TGFBR3: variants seen among roughly 807,000 people sequenced by gnomAD.
TGFBR3 encodes transforming growth factor beta receptor type 3.
TGFBR3 carries 46 observed loss-of-function variants against 87.9 expected under a neutral mutation model. That is an observed-to-expected ratio of 0.52 (90% CI 0.41 to 0.67). The LOEUF is 0.67. Ranked by LOEUF, TGFBR3 falls within the 30% of genes least tolerant of loss-of-function variation. TGFBR3 has a pLI of 0.00. For missense variants in TGFBR3, 866 were observed against 1,041.9 expected (o/e 0.83, Z 2.32); for synonymous variants, 381 against 391.6 (o/e 0.97, Z 0.32).
At chr1:91,773,558 G>A (rs1047951691) in intron 3 of TGFBR3, among the ~76,000 whole-genome samples, 1 of 152,206 alleles carries the variant, frequency 6.6e-6, no homozygotes, top group African/African-American at 2.4e-5. Flanking sequence ...GCAGGCGCCT[G>A]TAATCTCAGC....
intron 3 of TGFBR3, among the ~76,000 whole-genome samples, chr1:91,782,161 C>T (rs1674793749): frequency 6.6e-6 from 1 of 152,014 alleles, no homozygotes; most frequent in Admixed American, 6.6e-5. Context: ...ATGCTGGGCT[C>T]AGCAGGAAGA....
In TGFBR3 at chr1:91,896,241, A is replaced by T. The variant is rs142717407; in HGVS notation, c.-114+3396T>A. On this transcript the variant is annotated intron_variant, in intron 2 of 17. Transcript: ENST00000370399. ...AATCAGCACTATATTCCTAGCTCCT[A>T]GCAGAATGGCAGCATCTGACAGGTA... Among the ~76,000 whole-genome samples, 159 of 152,360 alleles carry T rather than the reference A, an allele frequency of 1.0e-3. 1 individual carries two copies. Among genetic ancestry groups the T allele is most frequent in the African/African-American group, 3.6e-3 (148 of 41,594 alleles).
At position 91,856,279 on chromosome 1, in the gene TGFBR3, G is replaced by C. The variant is rs1165648359; in HGVS notation, c.61+5192C>G. ...GACGGGGTTTCACCGTGTTAGCCAG[G>C]ATGGTCTCAATCTCCTGACCTCGTA... On this transcript the variant is annotated intron_variant, in intron 2 of 16. Coordinates refer to ENST00000212355, the MANE Select transcript of TGFBR3 (RefSeq NM_003243.5). Among the ~76,000 whole-genome samples, 4 of 152,132 alleles carry C rather than the reference G, an allele frequency of 2.6e-5. No homozygotes were observed. The South Asian group carries it at 8.3e-4, about 32-fold the overall frequency.
intron 14 of TGFBR3, among the ~76,000 whole-genome samples, chr1:91,705,520 C>T (rs1273757806): frequency 6.6e-5 from 10 of 151,720 alleles, no homozygotes; most frequent in African/African-American, 2.4e-4. Flanking sequence ...TGAGCCACTG[C>T]GCCCAGCCCA....
chr1:91,736,584 C>G (rs1036150294), intron 4 of TGFBR3, among the ~76,000 whole-genome samples: 26 of 152,018 alleles, frequency 1.7e-4, no homozygotes, highest in Admixed American at 4.6e-4. Flanking sequence ...GAAAAAAATC[C>G]TAGGTCATTT....
At chr1:91,783,589 T>C (rs770521190) in intron 3 of TGFBR3, among the ~76,000 whole-genome samples, 3 of 152,130 alleles carry the variant, frequency 2.0e-5, no homozygotes, top group Non-Finnish European at 4.4e-5. Context: ...ATAAACAGAC[T>C]CTTCTGGCCG....
chr1:91,680,681 C>T lies in TGFBR3; in HGVS notation c.*3058G>A. On this transcript the variant is annotated 3_prime_UTR_variant, in exon 17 of 17. Coordinates refer to ENST00000212355, the MANE Select transcript of TGFBR3 (RefSeq NM_003243.5). ...AACATGAAAAAAATCACATAGGACT[C>T]ACCCAACAAAATGTGCTCTGTTAAC... 1 of 453,996 alleles carries T rather than the reference C, an allele frequency of 2.2e-6. No homozygotes were observed. The highest frequency in any genetic ancestry group is 4.4e-6 in the Non-Finnish European group (1 of 226,782). The allele number at this position is 453,996 out of a possible 1,614,324, so 28.1% of individuals were successfully genotyped here.
chr1:91,811,465 C>A (rs931109082), intron 2 of TGFBR3, among the ~76,000 whole-genome samples: 5 of 152,078 alleles, frequency 3.3e-5, no homozygotes, highest in Non-Finnish European at 7.4e-5. Flanking sequence ...GGTATGAAAG[C>A]AAGAAGCAAA....
chr1:91,732,102 A>G (rs1168261425), intron 5 of TGFBR3, among the ~76,000 whole-genome samples: 1 of 152,190 alleles, frequency 6.6e-6, no homozygotes, highest in East Asian at 1.9e-4. Context: ...TTTTAGGGAA[A>G]GATTGACAAA....
At chr1:91,721,889 G>T (rs915729138) in intron 8 of TGFBR3, 66 bp downstream of exon 8, 1 of 1,451,490 alleles carries the variant, frequency 6.9e-7, no homozygotes, top group Non-Finnish European at 9.6e-7. Flanking sequence ...TGAAATGACA[G>T]TTCCTCACTG....
rs149981960 is a variant in TGFBR3 at position 91,810,492 on chromosome 1, C to T, written c.62-13021G>A. 3.1e-4 allele frequency among the ~76,000 whole-genome samples: 47 copies of T among 152,288 alleles called. 1 individual carries two copies. Among genetic ancestry groups the T allele is most frequent in the African/African-American group, 1.0e-3 (43 of 41,548 alleles). ...TTTATTTGGGCATATGTTTGTGTGT[C>T]CTCTACTTACCAGAAACTCCATGAG... On this transcript the variant is annotated intron_variant, in intron 2 of 16. Transcript: ENST00000212355.
intron 2 of TGFBR3, among the ~76,000 whole-genome samples, chr1:91,809,768 C>T (rs992105087): frequency 4.6e-5 from 7 of 152,280 alleles, no homozygotes; most frequent in Admixed American, 2.6e-4. Flanking sequence ...AAACTCTATT[C>T]CTTCCTCTTC....
At chr1:91,728,375 A>T (rs1672621675) in intron 6 of TGFBR3, among the ~76,000 whole-genome samples, 1 of 152,348 alleles carries the variant, frequency 6.6e-6, no homozygotes, top group South Asian at 2.1e-4. Context: ...ACAGAATCGT[A>T]TCTGCATTTA....
chr1:91,794,652 T>C (rs913882913), intron 3 of TGFBR3, among the ~76,000 whole-genome samples: 10 of 152,206 alleles, frequency 6.6e-5, no homozygotes, highest in African/African-American at 1.7e-4. Context: ...TGATATGTGG[T>C]CTTTGTGTCT....
At position 91,683,173 on chromosome 1, in the gene TGFBR3, A is replaced by G. The variant is rs1157962437; in HGVS notation, c.*566T>C. Reference sequence around the variant, plus strand: ...CCCTGAGGGCAGCACCCATCAAGGGACACATCAGACCCCACAGGTTGTGGC... The same window carrying G: ...CCCTGAGGGCAGCACCCATCAAGGGGCACATCAGACCCCACAGGTTGTGGC... On this transcript the variant is annotated 3_prime_UTR_variant, in exon 17 of 17. Coordinates refer to ENST00000212355, the MANE Select transcript of TGFBR3 (RefSeq NM_003243.5). 2.2e-5 allele frequency: 10 copies of G among 454,454 alleles called. No homozygotes were observed. In the Admixed American group the frequency reaches 2.3e-4, roughly 11 times the overall value. 28.2% of individuals were successfully genotyped at this position (454,454 alleles called of 1,614,324 possible).
At position 91,827,111 on chromosome 1, in the gene TGFBR3, G is replaced by C. The variant is rs146494178; in HGVS notation, c.62-29640C>G. On this transcript the variant is annotated intron_variant, in intron 2 of 16. Transcript: ENST00000212355. ...CCCTTGCCCTCTACCTATTCCTGTG[G>C]TGCCAACATAGAAAATGTCCTGGAC... Among the ~76,000 whole-genome samples, 97 of 152,202 alleles carry C rather than the reference G, an allele frequency of 6.4e-4. 1 individual carries two copies. The highest frequency in any genetic ancestry group is 2.2e-3 in the African/African-American group (91 of 41,506).
intron 1 of TGFBR3, among the ~76,000 whole-genome samples, chr1:91,904,632 T>C (rs1679805789): frequency 1.3e-5 from 2 of 149,702 alleles, no homozygotes; most frequent in South Asian, 4.3e-4. Context: ...TGGTGCAATC[T>C]CGGCTCACTG....
intron 4 of TGFBR3, among the ~76,000 whole-genome samples, chr1:91,753,047 A>ACTACAGCATCAGATATTGTAAACTATT (rs1673607367): frequency 6.6e-6 from 1 of 151,200 alleles, no homozygotes; most frequent in Non-Finnish European, 1.5e-5. Context: ...AGAAAAAAAG[A>ACTACAGCATCAGATATTGTAAACTATT]AAAAAAAATC....
chr1:91,711,440 A>G (rs546641771), intron 13 of TGFBR3, among the ~76,000 whole-genome samples: 1 of 152,332 alleles, frequency 6.6e-6, no homozygotes, highest in East Asian at 1.9e-4. Flanking sequence ...AATTCCATAC[A>G]TACATTATTA....
Sources: allele counts gnomAD v4.1 joint callset (sites outside exome capture counted in the v4.1 genomes callset), GRCh38; gene constraint gnomAD v4.1.1; transcripts MANE v1.5; gene names NCBI Gene and HGNC (gene_info 2026-07-23, HGNC 2026-07-21).